The following PRPSAP2 variants were observed in gnomAD, a reference collection of about 807,000 sequenced individuals.
PRPSAP2 encodes phosphoribosyl pyrophosphate synthase-associated protein 2.
PRPSAP2 carries 24 observed loss-of-function variants against 40.6 expected under a neutral mutation model. That is an observed-to-expected ratio of 0.59 (90% CI 0.43 to 0.83). The LOEUF (loss-of-function observed/expected upper bound fraction) is 0.83. PRPSAP2 is among the 40% of genes least tolerant of loss of function. PRPSAP2 has a pLI of 0.00. For missense variants in PRPSAP2, 292 were observed against 465.6 expected, an observed-to-expected ratio of 0.63 and a Z score of 3.43; for synonymous variants, 149 against 164.7, an observed-to-expected ratio of 0.90 and a Z score of 0.73.
intron 8 of PRPSAP2, among the ~76,000 whole-genome samples, chr17:18,902,728 G>A (rs1429600054): frequency 6.6e-6 from 1 of 151,928 alleles, no homozygotes; most frequent in East Asian, 1.9e-4. Context: ...AATTAGCGGG[G>A]CATGGTGGCG....
intron 10 of PRPSAP2, among the ~76,000 whole-genome samples, chr17:18,926,257 TTA>T (rs1394342321): frequency 4.8e-4 from 71 of 148,104 alleles, no homozygotes; most frequent in Admixed American, 2.8e-3. Flanking sequence ...ATTTATTTAT[TTA>T]TTTATTTATT....
At chr17:18,914,800 C>T (rs890460095) in intron 9 of PRPSAP2, among the ~76,000 whole-genome samples, 10 of 151,632 alleles carry the variant, frequency 6.6e-5, no homozygotes, top group African/African-American at 2.2e-4. Context: ...TCTCGGCTCA[C>T]TGCAACCTCC....
Position 18,865,922 on chromosome 17 carries a change from C to A in PRPSAP2, c.89C>A (p.Ser30Ter). 1 of 1,536,486 alleles carries A rather than the reference C, an allele frequency of 6.5e-7. No homozygotes were observed. Residue 30 changes from serine (S) to a stop codon, truncating the protein, a stop_gained, in exon 3 of 12, where the codon TCA becomes TAA. Coordinates refer to ENST00000268835, the MANE Select transcript of PRPSAP2 (RefSeq NM_002767.4). LOFTEE classifies it high-confidence loss of function. ...LVLFSANSNS[S>*]CMELSKKIAE... ...TTGTTTTCAGCAAACTCGAATTCATCATGTATGGAGCTATCAAAGAAAATT... is the reference window on the plus strand; with the variant it reads ...TTGTTTTCAGCAAACTCGAATTCATAATGTATGGAGCTATCAAAGAAAATT...
intron 5 of PRPSAP2, among the ~76,000 whole-genome samples, chr17:18,877,440 G>A (rs966320007): frequency 1.3e-5 from 2 of 152,260 alleles, no homozygotes; most frequent in East Asian, 1.9e-4. Context: ...AGGGCAGGCC[G>A]ACTCCTGGGG....
At chr17:18,922,652 CATAT>C (rs151228953) in intron 9 of PRPSAP2, among the ~76,000 whole-genome samples, 1 of 140,522 alleles carries the variant, frequency 7.1e-6, no homozygotes, top group Non-Finnish European at 1.5e-5. Flanking sequence ...GCATATGGCG[CATAT>C]ATATATATAT....
intron 8 of PRPSAP2, among the ~76,000 whole-genome samples, chr17:18,890,701 C>CT (rs2151923469): frequency 6.6e-6 from 1 of 152,342 alleles, no homozygotes; most frequent in African/African-American, 2.4e-5. Context: ...ACATGTCAGT[C>CT]TTTGAGTCTG....
At chr17:18,861,243 T>C (rs1438534461) in intron 1 of PRPSAP2, among the ~76,000 whole-genome samples, 1 of 152,030 alleles carries the variant, frequency 6.6e-6, no homozygotes, top group African/African-American at 2.4e-5. Flanking sequence ...GGCGGGTGGA[T>C]TACCTGAGCT....
intron 9 of PRPSAP2, among the ~76,000 whole-genome samples, chr17:18,920,719 A>G (rs1199025295): frequency 6.6e-6 from 1 of 152,192 alleles, no homozygotes; most frequent in Non-Finnish European, 1.5e-5. Flanking sequence ...TGCCTACTAA[A>G]AAACAATGAA....
intron 11 of PRPSAP2, among the ~76,000 whole-genome samples, 166 bp from the exon 12 acceptor site, chr17:18,930,374 A>AAAAT (rs1474705195): frequency 1.1e-4 from 16 of 152,272 alleles, no homozygotes; most frequent in Admixed American, 2.6e-4. Flanking sequence ...ACTCCGTCTA[A>AAAAT]AAATAAATAA....
intron 8 of PRPSAP2, among the ~76,000 whole-genome samples, chr17:18,894,479 C>CTTTTTTTTT (rs1201159228): frequency 1.7e-4 from 20 of 120,598 alleles, no homozygotes; most frequent in African/African-American, 4.9e-4. Context: ...TTTCAATAGT[C>CTTTTTTTTT]TTTTTTTTTT....
rs565005793 is a variant in PRPSAP2 at position 18,912,835 on chromosome 17, G to C, written c.733+1584G>C. 1.5e-3 allele frequency among the ~76,000 whole-genome samples: 222 copies of C among 152,234 alleles called. 1 individual carries two copies. Among genetic ancestry groups the C allele is most frequent in the Non-Finnish European group, 1.8e-3 (124 of 68,002 alleles). ...GGGTTGCTTGAGGCCAGGAGTTCGA[G>C]ACCAAAAGGGAGAAGTAGGAAGAAA... On this transcript the variant is annotated intron_variant, in intron 9 of 11. Coordinates refer to ENST00000268835, the MANE Select transcript of PRPSAP2 (RefSeq NM_002767.4).
chr17:18,863,510 CCCT>C (rs1458122568), intron 1 of PRPSAP2, among the ~76,000 whole-genome samples: 3 of 145,194 alleles, frequency 2.1e-5, no homozygotes, highest in Admixed American at 1.4e-4. Flanking sequence ...TTTCTTTCTT[CCCT>C]TTCTTTCTTC....
chr17:18,875,818 T>C (rs1349943941), intron 5 of PRPSAP2, among the ~76,000 whole-genome samples: 1 of 143,946 alleles, frequency 6.9e-6, no homozygotes, highest in Non-Finnish European at 1.5e-5. Context: ...GGCGCCACTA[T>C]ACTCCAGGCT....
upstream of PRPSAP2, chr17:18,858,098 T>TCCCGCCCCCGCCCCGCC (rs758419160): frequency 0.53 from 80,333 of 151,318 alleles, 21,633 homozygotes; most frequent in Middle Eastern, 0.59. Context: ...CGGGCTCTAG[T>TCCCGCCCCCGCCCCGCC]CCCGCCCTCG....
At chr17:18,896,401 A>G (rs79138341) in intron 8 of PRPSAP2, among the ~76,000 whole-genome samples, 13,016 of 152,024 alleles carry the variant, frequency 0.086, 648 homozygotes, top group African/African-American at 0.13. Context: ...CATGTCTTCA[A>G]TTCTCCCAGC....
In PRPSAP2 at chr17:18,911,163, G is replaced by A. The variant is rs369919954; in HGVS notation, c.645G>A (p.Gln215=). Residue 215 remains glutamine, a synonymous_variant, in exon 9 of 12, where the codon CAG becomes CAA. Coordinates refer to ENST00000268835, the MANE Select transcript of PRPSAP2 (RefSeq NM_002767.4). The surrounding 1 kb of genome is among the most constrained non-coding windows in gnomAD (Gnocchi z 4.5). Reference sequence around the variant, plus strand: ...TTGCAGTGATTCATGGAGAGGCGCAGGATGCCGAGTCGGACTTGGTGGATG... The same window carrying A: ...TTGCAGTGATTCATGGAGAGGCGCAAGATGCCGAGTCGGACTTGGTGGATG... The part of the protein sequence containing the change: ...LGIAVIHGEA[Q]DAESDLVDGR... The A allele has an allele frequency of 1.9e-5, 30 of 1,613,958 alleles. No homozygotes were observed. Among genetic ancestry groups the A allele is most frequent in the Non-Finnish European group, 2.3e-5 (27 of 1,179,982 alleles).
intron 4 of PRPSAP2, among the ~76,000 whole-genome samples, chr17:18,868,849 G>A (rs1256693107): frequency 6.6e-6 from 1 of 151,736 alleles, no homozygotes; most frequent in African/African-American, 2.4e-5. Flanking sequence ...GAGCCACCAG[G>A]CCTGGCCCCT....
intron 8 of PRPSAP2, chr17:18,908,883 C>T (rs2040775177): frequency 1.9e-6 from 1 of 516,798 alleles, no homozygotes; most frequent in Non-Finnish European, 3.6e-6. Flanking sequence ...TATTTTATTT[C>T]CTTTTCCTCC....
chr17:18,893,883 T>A (rs2039743121), intron 8 of PRPSAP2, among the ~76,000 whole-genome samples: 1 of 152,004 alleles, frequency 6.6e-6, no homozygotes, highest in African/African-American at 2.4e-5. Flanking sequence ...TTTTAATTTT[T>A]TTGAGATGGA....
Sources: gnomAD v4.1 joint callset for allele counts (sites outside exome capture counted in the v4.1 genomes callset) on GRCh38, gnomAD v4.1.1 for gene constraint, Gnocchi (gnomAD v3.1) non-coding constraint, MANE v1.5 for transcripts, NCBI Gene and HGNC (gene_info 2026-07-23, HGNC 2026-07-21) for gene names.